CSMD1: variants seen among roughly 807,000 people sequenced by gnomAD.
CSMD1 encodes the protein CUB and Sushi multiple domains 1.
CSMD1 carries 213 observed loss-of-function variants against 417.5 expected under a neutral mutation model. That is an observed-to-expected ratio of 0.51 (90% CI 0.46 to 0.57). The LOEUF (loss-of-function observed/expected upper bound fraction) is 0.57. CSMD1 is among the 20% of genes least tolerant of loss of function. The pLI is 0.00. For synonymous variants in CSMD1, 2,862 were observed against 1,736.8 expected (o/e 1.65, Z -16.11); for missense variants, 6,923 against 4,529.7 (o/e 1.53, Z -15.17).
At chr8:4,155,749 G>C (rs1403317633) in intron 3 of CSMD1, among the ~76,000 whole-genome samples, 2 of 152,100 alleles carry the variant, frequency 1.3e-5, no homozygotes, top group Non-Finnish European at 2.9e-5. Context: ...GTCAGCTTTT[G>C]TCATTGATCC....
chr8:4,142,351 A>T (rs2131020525), intron 3 of CSMD1, among the ~76,000 whole-genome samples: 1 of 151,274 alleles, frequency 6.6e-6, no homozygotes, highest in Non-Finnish European at 1.5e-5. Flanking sequence ...AGGTTATGAT[A>T]TTTGGCTGTA....
intron 1 of CSMD1, among the ~76,000 whole-genome samples, chr8:4,931,549 C>A (rs1020155457): frequency 6.7e-6 from 1 of 149,582 alleles, no homozygotes; most frequent in Non-Finnish European, 1.5e-5. Flanking sequence ...CTTGGAGGAT[C>A]ACCCAGACTA....
intron 2 of CSMD1, among the ~76,000 whole-genome samples, chr8:4,469,343 T>A (rs56158884): frequency 0.15 from 22,356 of 152,236 alleles, 2,066 homozygotes; most frequent in South Asian, 0.26. Flanking sequence ...AAAGTCTTGT[T>A]ATTTTACCTT....
intron 1 of CSMD1, among the ~76,000 whole-genome samples, chr8:4,769,397 C>T (rs1796491899): frequency 6.6e-6 from 1 of 152,028 alleles, no homozygotes; most frequent in South Asian, 2.1e-4. Context: ...CAAACAAGTG[C>T]AATTTTACTA....
chr8:4,844,418 T>G (rs569257018), intron 1 of CSMD1, among the ~76,000 whole-genome samples: 2 of 152,298 alleles, frequency 1.3e-5, no homozygotes, highest in African/African-American at 4.8e-5. Context: ...GCTACAGCTT[T>G]CACCCACTCC....
chr8:4,216,294 T>A (rs908658032), intron 3 of CSMD1, among the ~76,000 whole-genome samples: 2 of 152,122 alleles, frequency 1.3e-5, no homozygotes, highest in African/African-American at 4.8e-5. Flanking sequence ...TGTGGTTGCC[T>A]AGTCAATTCT....
At chr8:4,566,892 C>T (rs199534033) in intron 2 of CSMD1, among the ~76,000 whole-genome samples, 1 of 28,708 alleles carries the variant, frequency 3.5e-5, no homozygotes, top group African/African-American at 9.2e-5. Context: ...GAATGTTTTC[C>T]AGCAATGAGA....
chr8:4,615,454 T>C (rs903814081), intron 2 of CSMD1, among the ~76,000 whole-genome samples: 10 of 152,182 alleles, frequency 6.6e-5, no homozygotes, highest in Non-Finnish European at 1.5e-4. Flanking sequence ...GCAGACCAAT[T>C]TCCTCATTGA....
At chr8:4,008,322 T>C (rs962304753) in intron 4 of CSMD1, among the ~76,000 whole-genome samples, 1 of 152,040 alleles carries the variant, frequency 6.6e-6, no homozygotes, top group Non-Finnish European at 1.5e-5. Flanking sequence ...TTTTAGGTGA[T>C]CTATTAATAT....
At chr8:3,301,804 G>C (rs557934143) in intron 25 of CSMD1, among the ~76,000 whole-genome samples, 6 of 152,138 alleles carry the variant, frequency 3.9e-5, no homozygotes, top group Admixed American at 1.3e-4. Context: ...AGAGAATAAA[G>C]GATGGATTTG....
At chr8:4,561,228 G>C (rs933855694) in intron 2 of CSMD1, among the ~76,000 whole-genome samples, 1 of 152,130 alleles carries the variant, frequency 6.6e-6, no homozygotes, top group Non-Finnish European at 1.5e-5. Flanking sequence ...AAAACAAACA[G>C]TCAGGCGTGG....
intron 41 of CSMD1, among the ~76,000 whole-genome samples, chr8:3,122,988 G>A (rs868276291): frequency 6.6e-6 from 1 of 152,148 alleles, no homozygotes. Context: ...GTGTTCGAAG[G>A]AAGAATATTC....
chr8:2,977,095 T>G (rs1225824280), intron 55 of CSMD1, among the ~76,000 whole-genome samples: 1 of 152,022 alleles, frequency 6.6e-6, no homozygotes. Flanking sequence ...AATAACAACT[T>G]TATTCATTTA....
chr8:3,455,191 G>T (rs1485567448), intron 12 of CSMD1, among the ~76,000 whole-genome samples: 1 of 152,026 alleles, frequency 6.6e-6, no homozygotes, highest in Non-Finnish European at 1.5e-5. Flanking sequence ...CTCTGCATTG[G>T]TTATTCTAGT....
rs532222292 is a variant in CSMD1 at position 4,747,061 on chromosome 8, C to T, written c.86-109503G>A. Reference sequence around the variant, plus strand: ...AGGGCCTCCCCACCAGAATGGATCACCATCCTCTGGGGCTAGAGCTGCCTG... The same window carrying T: ...AGGGCCTCCCCACCAGAATGGATCATCATCCTCTGGGGCTAGAGCTGCCTG... On this transcript the variant is annotated intron_variant, in intron 1 of 69. Transcript: ENST00000635120. Among the ~76,000 whole-genome samples, 23 of 152,258 alleles carry T rather than the reference C, an allele frequency of 1.5e-4. No homozygotes were observed. The South Asian group carries it at 4.8e-3, about 32-fold the overall frequency.
chr8:4,188,978 C>G (rs529815795), intron 3 of CSMD1, among the ~76,000 whole-genome samples: 1 of 152,110 alleles, frequency 6.6e-6, no homozygotes, highest in Non-Finnish European at 1.5e-5. Flanking sequence ...GGACCCAGAC[C>G]TAATGTTGGA....
chr8:4,148,700 G>C (rs528729435), intron 3 of CSMD1, among the ~76,000 whole-genome samples: 26 of 152,036 alleles, frequency 1.7e-4, no homozygotes, highest in Non-Finnish European at 3.7e-4. Context: ...AGGGCACTCA[G>C]CCCACAGCGA....
intron 5 of CSMD1, among the ~76,000 whole-genome samples, chr8:3,898,327 A>G (rs928779816): frequency 5.9e-5 from 9 of 151,824 alleles, no homozygotes; most frequent in African/African-American, 2.2e-4. Context: ...CTCTGATGTT[A>G]TGTGAGCTAT....
At chr8:4,566,951 C>T (rs535712098) in intron 2 of CSMD1, among the ~76,000 whole-genome samples, 6 of 133,600 alleles carry the variant, frequency 4.5e-5, no homozygotes, top group Non-Finnish European at 1.0e-4. Flanking sequence ...CTCTAGCAAT[C>T]GAGACTTTAG....
Sources: allele counts gnomAD v4.1 joint callset (sites outside exome capture counted in the v4.1 genomes callset), GRCh38; gene constraint gnomAD v4.1.1; transcripts MANE v1.5; gene names NCBI Gene and HGNC (gene_info 2026-07-23, HGNC 2026-07-21).